The following GSAP variants were observed in gnomAD, a reference collection of about 807,000 sequenced individuals.
The protein encoded by GSAP is gamma-secretase-activating protein.
In GSAP, 118 loss-of-function variants were observed where a neutral mutation model predicts 131.7. The ratio of observed to expected loss-of-function variants is 0.90; its 90% confidence interval spans 0.77 to 1.04. The LOEUF (loss-of-function observed/expected upper bound fraction) is 1.04. GSAP is among the 50% of genes least tolerant of loss of function. The pLI, the probability that GSAP is intolerant of heterozygous loss-of-function variation, is 0.00. For synonymous variants in GSAP, 381 were observed against 363.4 expected, an observed-to-expected ratio of 1.05 and a Z score of -0.55; for missense variants, 1,019 against 1,013.2, an observed-to-expected ratio of 1.01 and a Z score of -0.08.
intron 9 of GSAP, 110 bp downstream of exon 9, chr7:77,377,176 C>T: frequency 1.7e-6 from 2 of 1,162,492 alleles, no homozygotes; most frequent in Non-Finnish European, 2.3e-6. Context: ...ATGATCACAC[C>T]ACTGCACTCC....
At chr7:77,381,886 A>C (rs1277090773) in intron 7 of GSAP, among the ~76,000 whole-genome samples, 1 of 150,978 alleles carries the variant, frequency 6.6e-6, no homozygotes, top group African/African-American at 2.4e-5. Context: ...TAACAATTTG[A>C]ATTCAGCCAT....
In GSAP at chr7:77,330,323, T is replaced by TA; in HGVS notation, c.1589dup (p.Glu531ArgfsTer4). 1 of 1,613,932 alleles carries TA rather than the reference T, an allele frequency of 6.2e-7. No individual in the cohort carries two copies. Among genetic ancestry groups the TA allele is most frequent in the South Asian group, 1.1e-5 (1 of 91,052 alleles). On this transcript the variant is annotated frameshift_variant, in exon 20 of 31. Coordinates refer to ENST00000257626, the MANE Select transcript of GSAP (RefSeq NM_017439.4). LOFTEE classifies it high-confidence loss of function. ...GTGGCTTGGCGTACTTAACATATTC[T>TA]AGGTTGGAGTTCAGTTTTTCCCAGT...
At chr7:77,370,758 C>T (rs1269253769) in intron 12 of GSAP, among the ~76,000 whole-genome samples, 1 of 152,120 alleles carries the variant, frequency 6.6e-6, no homozygotes, top group Non-Finnish European at 1.5e-5. Flanking sequence ...GCCACTTAAC[C>T]CAGCATAGTC....
At position 77,355,680 on chromosome 7, in the gene GSAP, G is replaced by A. The variant is rs759940555; in HGVS notation, c.1028-33C>T. The A allele has an allele frequency of 8.3e-6, 10 of 1,200,082 alleles. No homozygotes were observed. The South Asian group carries it at 1.2e-4, about 15-fold the overall frequency. The allele number at this position is 1,200,082 out of a possible 1,614,324, so 74.3% of individuals were successfully genotyped here. On this transcript the variant is annotated intron_variant, in intron 14 of 30. Coordinates refer to ENST00000257626, the MANE Select transcript of GSAP (RefSeq NM_017439.4). Reference sequence around the variant, plus strand: ...AGAGAAAGATTTACATCATCTACATGTGGTAAAAGCTGCACAGGTACAGAA... The same window carrying A: ...AGAGAAAGATTTACATCATCTACATATGGTAAAAGCTGCACAGGTACAGAA...
intron 27 of GSAP, among the ~76,000 whole-genome samples, chr7:77,314,002 G>C (rs181116880): frequency 3.9e-5 from 6 of 152,160 alleles, no homozygotes; most frequent in Non-Finnish European, 8.8e-5. Flanking sequence ...AGCCTGCAGA[G>C]GTTCCTAGCC....
chr7:77,355,318 C>T lies in GSAP; in HGVS notation c.1233G>A (p.Ser411=), dbSNP rs780664306. ...TGTTCTGCAGAAGCTGTAATAAAGACGACTGGCTGAGCAGTGCTCTATAGA... is the reference window on the plus strand; with the variant it reads ...TGTTCTGCAGAAGCTGTAATAAAGATGACTGGCTGAGCAGTGCTCTATAGA... ...GKLYRALLSQ[S]SLLQLLQNTC... The change falls in exon 16 of 31, where the codon TCG becomes TCA. Residue 411 remains serine (S), a synonymous_variant. Transcript: ENST00000257626. 48 of 1,613,532 alleles carry T rather than the reference C, an allele frequency of 3.0e-5. No homozygotes were observed. The highest frequency in any genetic ancestry group is 5.0e-5 in the Admixed American group (3 of 60,010).
intron 28 of GSAP, among the ~76,000 whole-genome samples, 195 bp from the exon 29 acceptor site, chr7:77,312,397 C>T (rs185942769): frequency 5.3e-5 from 8 of 152,100 alleles, no homozygotes; most frequent in Admixed American, 1.3e-4. Flanking sequence ...CTCTCTCAAA[C>T]GCTACATTGA....
intron 19 of GSAP, among the ~76,000 whole-genome samples, chr7:77,340,085 G>A (rs923998755): frequency 1.3e-5 from 2 of 152,096 alleles, no homozygotes; most frequent in Non-Finnish European, 2.9e-5. Context: ...ATTGTGATTT[G>A]TTTCTGCCCC....
intron 6 of GSAP, among the ~76,000 whole-genome samples, chr7:77,382,913 C>G (rs941265755): frequency 6.6e-6 from 1 of 152,168 alleles, no homozygotes; most frequent in Non-Finnish European, 1.5e-5. Flanking sequence ...TGGCTGGGCA[C>G]AGTGGCTCAC....
intron 1 of GSAP, among the ~76,000 whole-genome samples, chr7:77,407,715 C>T (rs1279562169): frequency 6.6e-6 from 1 of 152,076 alleles, no homozygotes. Context: ...GGAAAACTGG[C>T]AATATCTAGT....
intron 6 of GSAP, among the ~76,000 whole-genome samples, chr7:77,383,978 C>G (rs1798167106): frequency 6.6e-6 from 1 of 152,192 alleles, no homozygotes; most frequent in South Asian, 2.1e-4. Flanking sequence ...AAAACATATG[C>G]TTCACAGCAA....
intron 3 of GSAP, among the ~76,000 whole-genome samples, chr7:77,402,025 C>T (rs1479392186): frequency 6.6e-6 from 1 of 152,090 alleles, no homozygotes; most frequent in Non-Finnish European, 1.5e-5. Flanking sequence ...TATAGTTACA[C>T]AAGATTTAAC....
intron 8 of GSAP, among the ~76,000 whole-genome samples, chr7:77,377,610 T>A (rs572801076): frequency 6.6e-6 from 1 of 152,214 alleles, no homozygotes; most frequent in Non-Finnish European, 1.5e-5. Context: ...GTATAATATA[T>A]GATTTTATTC....
intron 5 of GSAP, among the ~76,000 whole-genome samples, chr7:77,393,731 T>C (rs936735433): frequency 6.7e-6 from 1 of 149,900 alleles, no homozygotes. Context: ...TGGAGTACAG[T>C]GGCACGATCT....
At chr7:77,397,462 T>G (rs771325530) in intron 3 of GSAP, 47 bp from the exon 4 acceptor site, 1 of 1,013,240 alleles carries the variant, frequency 9.9e-7, no homozygotes, top group Non-Finnish European at 1.5e-6. Flanking sequence ...ATACATTAAA[T>G]AACAATTGTA....
At chr7:77,313,385 A>G (rs1242675773) in intron 28 of GSAP, 103 bp downstream of exon 28, 3 of 653,582 alleles carry the variant, frequency 4.6e-6, no homozygotes, top group Non-Finnish European at 8.2e-6. Context: ...AAACAATTCA[A>G]TTGACTTTAA....
intron 3 of GSAP, among the ~76,000 whole-genome samples, chr7:77,398,365 T>C (rs1800777914): frequency 6.6e-6 from 1 of 152,158 alleles, no homozygotes; most frequent in South Asian, 2.1e-4. Context: ...ACTGAATTCA[T>C]GTGAGAATTG....
intron 1 of GSAP, among the ~76,000 whole-genome samples, chr7:77,414,218 A>C (rs956613688): frequency 4.6e-5 from 7 of 152,272 alleles, no homozygotes; most frequent in African/African-American, 1.7e-4. Flanking sequence ...TGCATAGAGG[A>C]GGCATTACAA....
At chr7:77,398,600 C>A (rs1800810124) in intron 3 of GSAP, among the ~76,000 whole-genome samples, 1 of 152,102 alleles carries the variant, frequency 6.6e-6, no homozygotes, top group Non-Finnish European at 1.5e-5. Flanking sequence ...AATCCTATCT[C>A]TACAAAAGTT....
Sources: gnomAD v4.1 joint callset for allele counts (sites outside exome capture counted in the v4.1 genomes callset) on GRCh38, gnomAD v4.1.1 for gene constraint, MANE v1.5 for transcripts, NCBI Gene and HGNC (gene_info 2026-07-23, HGNC 2026-07-21) for gene names.